Variants in KIAA1549L observed in about 807,000 individuals in gnomAD.
KIAA1549L encodes UPF0606 protein KIAA1549L.
In KIAA1549L, 88 loss-of-function variants were observed where a neutral mutation model predicts 160.7. That is an observed-to-expected ratio of 0.55 (90% CI 0.46 to 0.65). The LOEUF is 0.65. KIAA1549L is among the 30% of genes least tolerant of loss of function. The probability of loss-of-function intolerance (pLI) is 0.00; values close to 1 mark genes in which losing one functional copy is unlikely to be tolerated. For synonymous variants in KIAA1549L, 950 were observed against 976.7 expected (o/e 0.97, Z 0.51); for missense variants, 2,258 against 2,437.5 (o/e 0.93, Z 1.55).
intron 1 of KIAA1549L, among the ~76,000 whole-genome samples, chr11:33,430,797 C>G (rs901915794): frequency 1.3e-5 from 2 of 152,198 alleles, no homozygotes. Context: ...TTCACCACTG[C>G]AGACCCAAAC....
chr11:33,510,299 C>A (rs1853196944), intron 1 of KIAA1549L, among the ~76,000 whole-genome samples: 3 of 152,138 alleles, frequency 2.0e-5, no homozygotes, highest in African/African-American at 7.2e-5. Flanking sequence ...GATTCTCCTG[C>A]CTCAGCCCCC....
chr11:33,577,413 A>T (rs1320933270), intron 10 of KIAA1549L, among the ~76,000 whole-genome samples: 1 of 152,214 alleles, frequency 6.6e-6, no homozygotes, highest in Non-Finnish European at 1.5e-5. Flanking sequence ...GGATGCTGTC[A>T]TGGAGAGGGA....
intron 1 of KIAA1549L, among the ~76,000 whole-genome samples, chr11:33,422,534 T>TC (rs1293637750): frequency 1.8e-5 from 1 of 56,070 alleles, no homozygotes; most frequent in Non-Finnish European, 3.4e-5. Flanking sequence ...CTTCCCCCTT[T>TC]CCCCCCTCCC....
At chr11:33,429,088 C>G (rs1039777977) in intron 1 of KIAA1549L, among the ~76,000 whole-genome samples, 1 of 152,228 alleles carries the variant, frequency 6.6e-6, no homozygotes, top group Non-Finnish European at 1.5e-5. Flanking sequence ...TCTCCTGCCT[C>G]AGCCTCCCAA....
At chr11:33,638,764 A>C (rs1010069880) in intron 16 of KIAA1549L, among the ~76,000 whole-genome samples, 5 of 152,228 alleles carry the variant, frequency 3.3e-5, no homozygotes, top group African/African-American at 1.2e-4. Context: ...GCAGTATAAC[A>C]GTTCTAATTC....
At chr11:33,645,082 A>T (rs1851679809) in intron 16 of KIAA1549L, among the ~76,000 whole-genome samples, 1 of 152,236 alleles carries the variant, frequency 6.6e-6, no homozygotes, top group South Asian at 2.1e-4. Context: ...GTAGATTTCA[A>T]ATTTGAACAG....
rs139060572 is a variant in KIAA1549L at position 33,497,763 on chromosome 11, G to A, written c.239-44039G>A. ...TTTATATTTACTTAACCTTTCTTCAGAATTACCACTAAAGTTTGTGTTGAA... is the reference window on the plus strand; with the variant it reads ...TTTATATTTACTTAACCTTTCTTCAAAATTACCACTAAAGTTTGTGTTGAA... On this transcript the variant is annotated intron_variant, in intron 1 of 20. Coordinates refer to ENST00000658780, the MANE Select transcript of KIAA1549L (RefSeq NM_012194.3). 1.3e-3 allele frequency among the ~76,000 whole-genome samples: 195 copies of A among 152,252 alleles called. 4 individuals carry two copies. The highest frequency in any genetic ancestry group is 4.5e-3 in the African/African-American group (188 of 41,546).
chr11:33,577,748 C>A (rs1182804285), intron 10 of KIAA1549L, among the ~76,000 whole-genome samples: 2 of 152,110 alleles, frequency 1.3e-5, no homozygotes, highest in Non-Finnish European at 2.9e-5. Flanking sequence ...ATTGACAGGG[C>A]TCCGCTTCTC....
chr11:33,645,351 G>A (rs1851687255), intron 16 of KIAA1549L, among the ~76,000 whole-genome samples: 2 of 152,122 alleles, frequency 1.3e-5, no homozygotes, highest in Admixed American at 1.3e-4. Context: ...AAGGCATAGG[G>A]GTGGGGAATG....
At chr11:33,623,498 A>C (rs1263591955) in intron 16 of KIAA1549L, among the ~76,000 whole-genome samples, 2 of 152,154 alleles carry the variant, frequency 1.3e-5, no homozygotes, top group African/African-American at 4.8e-5. Context: ...TTTACGGTAC[A>C]TTATATTTTA....
At chr11:33,429,803 C>G (rs892762992) in intron 1 of KIAA1549L, among the ~76,000 whole-genome samples, 2 of 152,136 alleles carry the variant, frequency 1.3e-5, no homozygotes, top group African/African-American at 4.8e-5. Context: ...CTTCATATAT[C>G]TGGACTTGGA....
chr11:33,381,144 A>G (rs1850067582), intron 1 of KIAA1549L, among the ~76,000 whole-genome samples: 1 of 152,074 alleles, frequency 6.6e-6, no homozygotes, highest in South Asian at 2.1e-4. Context: ...CAGGTCTGAA[A>G]TAAGGCTTGA....
In KIAA1549L at chr11:33,609,869, G is replaced by A. The variant is rs922623427; in HGVS notation, c.5182G>A (p.Glu1728Lys). ...PAVETSKGLT[E>K]RKKMYEKAPK... ...AGTGGAGACGAGCAAGGGTCTGACC[G>A]AAAGAAAGAAGATGTATGAAAAAGC... Residue 1728 changes from glutamate (E) to lysine (K), a missense_variant, in exon 15 of 21, where the codon GAA (glutamate) becomes AAA (lysine). Transcript: ENST00000658780. 1.1e-5 allele frequency: 18 copies of A among 1,613,708 alleles called. No individual in the cohort carries two copies. The highest frequency in any genetic ancestry group is 2.2e-5 in the East Asian group (1 of 44,892).
chr11:33,608,487 C>T (rs1325502700), intron 14 of KIAA1549L, among the ~76,000 whole-genome samples: 2 of 152,260 alleles, frequency 1.3e-5, no homozygotes, highest in East Asian at 3.8e-4. Context: ...AGCAGACATG[C>T]AAACCCCATA....
chr11:33,413,944 G>A (rs958085016), intron 1 of KIAA1549L, among the ~76,000 whole-genome samples: 1 of 152,134 alleles, frequency 6.6e-6, no homozygotes, highest in African/African-American at 2.4e-5. Flanking sequence ...TTAGAGCAGG[G>A]ATCTGACAAA....
At chr11:33,619,260 T>C (rs1197941444) in intron 16 of KIAA1549L, among the ~76,000 whole-genome samples, 3 of 152,190 alleles carry the variant, frequency 2.0e-5, no homozygotes, top group Non-Finnish European at 1.5e-5. Flanking sequence ...TGACTTGTCC[T>C]TGGACCCATG....
intron 8 of KIAA1549L, 147 bp downstream of exon 8, chr11:33,561,882 A>C: frequency 1.6e-6 from 1 of 637,580 alleles, no homozygotes; most frequent in South Asian, 1.9e-5. Context: ...ACCAGAAGTG[A>C]ATGGGGTAAG....
intron 8 of KIAA1549L, among the ~76,000 whole-genome samples, chr11:33,565,287 A>G (rs983471948): frequency 6.6e-6 from 1 of 152,156 alleles, no homozygotes; most frequent in African/African-American, 2.4e-5. Context: ...CATGCCTTGC[A>G]GGTGTTTTCT....
In KIAA1549L at chr11:33,559,765, A is replaced by G. The variant is rs372052625; in HGVS notation, c.3872A>G (p.Asn1291Ser). Residue 1291 changes from asparagine to serine, a missense_variant, in exon 7 of 21, where the codon AAT becomes AGT. By Grantham distance (46) the Asn-to-Ser change is conservative. Transcript: ENST00000658780. ...NLTIQIVSTSNASQAVTLVYV... is the reference protein window; with the variant it reads ...NLTIQIVSTSSASQAVTLVYV... The stretch of plus-strand genomic sequence containing the variant: ...TTGATTCAGATTGTGAGCACGTCCA[A>G]TGCCTCCCAGGCAGTCACCTTGGTG... 5.6e-5 allele frequency: 90 copies of G among 1,613,792 alleles called. No individual in the cohort carries two copies. Among genetic ancestry groups the G allele is most frequent in the African/African-American group, 2.5e-4 (19 of 74,968 alleles).
Sources: allele counts gnomAD v4.1 joint callset (sites outside exome capture counted in the v4.1 genomes callset), GRCh38; gene constraint gnomAD v4.1.1; transcripts MANE v1.5; gene names NCBI Gene and HGNC (gene_info 2026-07-23, HGNC 2026-07-21).